Variants in MED24 observed in about 807,000 individuals in gnomAD.
MED24 encodes the protein mediator complex subunit 24.
In MED24, 74 loss-of-function variants were observed where a neutral mutation model predicts 118.8. That is an observed-to-expected ratio of 0.62 (90% CI 0.52 to 0.76). The LOEUF is 0.76. Ranked by LOEUF, MED24 falls within the 30% of genes least tolerant of loss-of-function variation. MED24 has a pLI of 0.00. For synonymous variants in MED24, 521 were observed against 523.9 expected, an observed-to-expected ratio of 0.99 and a Z score of 0.08; for missense variants, 1,041 against 1,278.9, an observed-to-expected ratio of 0.81 and a Z score of 2.84.
At chr17:40,031,116 G>A (rs750796712) in intron 12 of MED24, 43 bp downstream of exon 12, 12 of 1,529,772 alleles carry the variant, frequency 7.8e-6, no homozygotes, top group South Asian at 2.4e-5. Flanking sequence ...ACAAGAGAGA[G>A]GTCAAGGGGC....
intron 3 of MED24, among the ~76,000 whole-genome samples, chr17:40,043,570 C>A (rs752208282): frequency 1.1e-4 from 16 of 151,980 alleles, no homozygotes; most frequent in Non-Finnish European, 2.1e-4. Flanking sequence ...GGACTTTTGT[C>A]TTCCTTAAGG....
intron 3 of MED24, among the ~76,000 whole-genome samples, chr17:40,052,255 T>A (rs1226272929): frequency 6.6e-6 from 1 of 152,206 alleles, no homozygotes; most frequent in East Asian, 1.9e-4. Flanking sequence ...GTCACGCCAC[T>A]GCACTCCAGC....
chr17:40,046,121 G>A (rs1376831966), intron 3 of MED24, among the ~76,000 whole-genome samples: 3 of 133,622 alleles, frequency 2.2e-5, no homozygotes, highest in Non-Finnish European at 4.6e-5. Context: ...GAGTCTCACT[G>A]TTGCCCAGGC....
At chr17:40,044,130 A>G (rs1380729456) in intron 3 of MED24, among the ~76,000 whole-genome samples, 2 of 140,014 alleles carry the variant, frequency 1.4e-5, no homozygotes, top group Admixed American at 7.2e-5. Context: ...TCTGTCTCAC[A>G]AAAAAAAAAA....
intron 3 of MED24, among the ~76,000 whole-genome samples, chr17:40,036,989 TG>T: frequency 6.6e-6 from 1 of 152,102 alleles, no homozygotes; most frequent in East Asian, 1.9e-4. Flanking sequence ...AAGACTAGCC[TG>T]GCCAACATGG....
At chr17:40,047,688 CAAAA>C (rs1985386521) in intron 3 of MED24, among the ~76,000 whole-genome samples, 5 of 147,228 alleles carry the variant, frequency 3.4e-5, no homozygotes, top group African/African-American at 1.3e-4. Context: ...AAACAAAAAA[CAAAA>C]AACAACAACA....
intron 23 of MED24, 77 bp downstream of exon 23, chr17:40,021,878 G>A (rs778155020): frequency 9.3e-7 from 1 of 1,078,174 alleles, no homozygotes; most frequent in Non-Finnish European, 1.4e-6. Context: ...CCTGCAGCTG[G>A]GGCAGCGGCA....
chr17:40,047,663 T>TA lies in MED24; in HGVS notation c.213+5634dup, dbSNP rs200614643. Reference sequence around the variant, plus strand: ...GGCAACAGAGCGAGACTCCATCTCATAAAAAAAAACAAAAAAACAAAAAAC... The same window carrying TA: ...GGCAACAGAGCGAGACTCCATCTCATAAAAAAAAAACAAAAAAACAAAAAAC... On this transcript the variant is annotated intron_variant, in intron 3 of 25. Transcript: ENST00000394128. 8.9e-4 allele frequency among the ~76,000 whole-genome samples: 125 copies of TA among 141,216 alleles called. No homozygotes were observed. The East Asian group carries it at 0.015, about 17-fold the overall frequency. The allele number at this position is 141,216 out of a possible 152,430, so 92.6% of individuals were successfully genotyped here. A position where few individuals can be genotyped will look rare whatever the true frequency, so the allele number is the denominator to read the frequency against.
In MED24 at chr17:40,031,591, A is replaced by C. The variant is rs1454787716; in HGVS notation, c.1014T>G (p.Phe338Leu). Residue 338 changes from phenylalanine to leucine, a missense_variant, in exon 11 of 26, where the codon TTT becomes TTG. By Grantham distance (22) the Phe-to-Leu change is conservative (BLOSUM62 0). Transcript: ENST00000394128. ...KDFTEDVNCA[F>L]EFLLKLTPLL... The stretch of plus-strand genomic sequence containing the variant: ...AGGGGGTGAGCTTCAGCAGGAACTC[A>C]AAAGCACAGTTGACATCCTCAGTGA... The C allele has an allele frequency of 6.2e-7, 1 of 1,614,042 alleles. No individual in the cohort carries two copies. Among genetic ancestry groups the C allele is most frequent in the Non-Finnish European group, 8.5e-7 (1 of 1,179,994 alleles).
rs1981738476 is a variant in MED24 at position 40,019,880 on chromosome 17, G to C, written c.2758C>G (p.His920Asp). The C allele has an allele frequency of 6.3e-7, 1 of 1,582,574 alleles. No homozygotes were observed. The highest frequency in any genetic ancestry group is 1.3e-5 in the African/African-American group (1 of 74,424). ...SILGSRTAGP[H>D]TQFVQWFMEE... ...ATGAACCACTGCACGAACTGGGTGT[G>C]GGGGCCAGCGGTGCGAGACCCCAGG... Residue 920 changes from histidine (H) to aspartate (D), a missense_variant, in exon 25 of 26, where the codon CAC becomes GAC. Transcript: ENST00000394128.
At chr17:40,052,656 C>A (rs980023834) in intron 3 of MED24, among the ~76,000 whole-genome samples, 24 of 152,232 alleles carry the variant, frequency 1.6e-4, no homozygotes, top group Middle Eastern at 3.4e-3. Context: ...GGCTGGAGTG[C>A]AGTGGCACAA....
chr17:40,044,512 T>C (rs1984939649), intron 3 of MED24, among the ~76,000 whole-genome samples: 1 of 147,294 alleles, frequency 6.8e-6, no homozygotes, highest in African/African-American at 2.6e-5. Flanking sequence ...AGAGGGAGAC[T>C]CCATCTCAAA....
rs2302775 is a variant in MED24, at chr17:40,026,591, T to C, written c.1809+56A>G. 374,034 of 1,480,096 alleles carry C rather than the reference T, an allele frequency of 0.25. 51,758 individuals are homozygous for C. Among genetic ancestry groups the C allele is most frequent in the African/African-American group, 0.55 (39,694 of 71,652 alleles). The allele number at this position is 1,480,096 out of a possible 1,614,324, so 91.7% of individuals were successfully genotyped here. On this transcript the variant is annotated intron_variant, in intron 18 of 25. Coordinates refer to ENST00000394128, the MANE Select transcript of MED24 (RefSeq NM_014815.4). ...TGCCCTTACGAAATATAACAAGTCA[T>C]CACTGGCTGGCTCTGTGTCTCAGGG...
Position 40,053,607 on chromosome 17 carries a change from T to C in MED24, c.-9A>G. 1 of 1,614,080 alleles carries C rather than the reference T, an allele frequency of 6.2e-7. No individual in the cohort carries two copies. Among genetic ancestry groups the C allele is most frequent in the Non-Finnish European group, 8.5e-7 (1 of 1,180,038 alleles). On this transcript the variant is annotated 5_prime_UTR_variant, in exon 2 of 26. Transcript: ENST00000394128. ...AGGTTGACCACCTTCATTATTTCACTCTGAGCAGGTGGCAGCGGTGGCGGC... is the reference window on the plus strand; with the variant it reads ...AGGTTGACCACCTTCATTATTTCACCCTGAGCAGGTGGCAGCGGTGGCGGC...
intron 12 of MED24, among the ~76,000 whole-genome samples, chr17:40,030,769 G>A (rs780568514): frequency 1.3e-5 from 2 of 150,580 alleles, no homozygotes; most frequent in East Asian, 3.9e-4. Flanking sequence ...AGCAATTCTC[G>A]TGCCTCAGCC....
At chr17:40,036,077 G>A (rs767434790) in intron 4 of MED24, 39 bp downstream of exon 4, 2 of 1,592,884 alleles carry the variant, frequency 1.3e-6, no homozygotes, top group East Asian at 4.5e-5. Context: ...GGCCTTGTCT[G>A]TCATCCCCAA....
intron 24 of MED24, 76 bp from the exon 25 acceptor site, chr17:40,020,009 G>T (rs748775601): frequency 9.6e-5 from 143 of 1,494,928 alleles, no homozygotes; most frequent in Non-Finnish European, 1.1e-4. Flanking sequence ...GAGAAGGTGG[G>T]ACTGAAAAGG....
At chr17:40,030,648 AT>A (rs1983248921) in intron 12 of MED24, among the ~76,000 whole-genome samples, 1 of 124,304 alleles carries the variant, frequency 8.0e-6, no homozygotes. Context: ...AAGATTCAGG[AT>A]TTTTATTTAT....
intron 24 of MED24, 166 bp downstream of exon 24, chr17:40,020,107 A>G: frequency 1.1e-6 from 1 of 913,740 alleles, no homozygotes; most frequent in African/African-American, 1.7e-5. Flanking sequence ...AGGAGGGGGA[A>G]CTAGACAGGA....
Sources: allele counts gnomAD v4.1 joint callset (sites outside exome capture counted in the v4.1 genomes callset), GRCh38; gene constraint gnomAD v4.1.1; transcripts MANE v1.5; gene names NCBI Gene and HGNC (gene_info 2026-07-23, HGNC 2026-07-21).